The following EVA1C variants were observed in gnomAD, a reference collection of about 807,000 sequenced individuals.
EVA1C encodes the protein protein eva-1 homolog C.
EVA1C carries 25 observed loss-of-function variants against 45.4 expected under a neutral mutation model. The ratio of observed to expected loss-of-function variants is 0.55; its 90% CI spans 0.40 to 0.77. The LOEUF is 0.77. Among genes scored for constraint, EVA1C ranks in the 30% least tolerant of loss-of-function variants. EVA1C has a pLI of 0.00. For synonymous variants in EVA1C, 190 were observed against 221.2 expected (o/e 0.86, Z 1.25); for missense variants, 479 against 554.8 (o/e 0.86, Z 1.37).
intron 1 of EVA1C, among the ~76,000 whole-genome samples, chr21:32,436,239 T>C (rs796683818): frequency 5.5e-3 from 670 of 122,232 alleles, no homozygotes; most frequent in Middle Eastern, 0.023. Flanking sequence ...AATTTTTGTA[T>C]TTTTAATAGA....
chr21:32,477,910 C>T (rs1178704541), intron 4 of EVA1C, among the ~76,000 whole-genome samples: 64 of 81,766 alleles, frequency 7.8e-4, no homozygotes, highest in African/African-American at 3.0e-3. Context: ...CCCTCACCTC[C>T]GCCATACGCT....
chr21:32,413,897 T>C (rs906916922), intron 1 of EVA1C, among the ~76,000 whole-genome samples: 3 of 152,206 alleles, frequency 2.0e-5, no homozygotes, highest in African/African-American at 4.8e-5. Context: ...CTGAGCCCCA[T>C]ACTCCTCCTT....
rs2036480225 is a variant in EVA1C at position 32,474,279 on chromosome 21, T to C, written c.634+6431T>C. ...GCTTAAAGCCCTCCACTCTGCACAC[T>C]GTAATTGGAATACATCAGTCTTCAG... On this transcript the variant is annotated intron_variant, in intron 4 of 7. Transcript: ENST00000300255. This position sits in a 1 kb window ranked among gnomAD's most constrained non-coding sequence, Gnocchi z 4.4. Among the ~76,000 whole-genome samples, 1 of 152,214 alleles carries C rather than the reference T, an allele frequency of 6.6e-6. No individual in the cohort carries two copies. Among genetic ancestry groups the C allele is most frequent in the African/African-American group, 2.4e-5 (1 of 41,462 alleles).
chr21:32,507,457 C>T (rs961207126), intron 7 of EVA1C, among the ~76,000 whole-genome samples: 16 of 138,034 alleles, frequency 1.2e-4, no homozygotes, highest in Non-Finnish European at 1.6e-4. Context: ...TATGCGTGTG[C>T]GTGTGTGCAT....
chr21:32,449,216 C>T (rs567473634), intron 1 of EVA1C, among the ~76,000 whole-genome samples: 1 of 152,296 alleles, frequency 6.6e-6, no homozygotes, highest in African/African-American at 2.4e-5. Flanking sequence ...ATTGACAAAT[C>T]ACTATCACCC....
chr21:32,412,955 C>T lies in EVA1C; in HGVS notation c.102C>T (p.Leu34=), dbSNP rs754986837. Residue 34 remains leucine (L), a synonymous_variant, in exon 1 of 8, where the codon CTC becomes CTT. Transcript: ENST00000300255. ...AGCCGCCGGGGCAGCTCCTGCGCCTCTTCTACTGCACTGTCCTGGTCTGCT... is the reference window on the plus strand; with the variant it reads ...AGCCGCCGGGGCAGCTCCTGCGCCTTTTCTACTGCACTGTCCTGGTCTGCT... ...QVEPPGQLLR[L]FYCTVLVCSK... The T allele has an allele frequency of 1.1e-5, 17 of 1,561,038 alleles. No individual in the cohort carries two copies. Among genetic ancestry groups the T allele is most frequent in the Non-Finnish European group, 1.5e-5 (17 of 1,156,026 alleles).
At chr21:32,453,096 C>G in intron 1 of EVA1C, 1 of 493,254 alleles carries the variant, frequency 2.0e-6, no homozygotes, top group Non-Finnish European at 3.7e-6. Flanking sequence ...TCCCCTGCCC[C>G]CCTTCCATGT....
At chr21:32,507,833 G>A (rs1263329889) in intron 7 of EVA1C, among the ~76,000 whole-genome samples, 1 of 151,482 alleles carries the variant, frequency 6.6e-6, no homozygotes, top group African/African-American at 2.4e-5. Context: ...TGTTGCATGT[G>A]TGTGCATGTG....
At chr21:32,414,636 A>C (rs1440183587) in intron 1 of EVA1C, among the ~76,000 whole-genome samples, 1 of 152,228 alleles carries the variant, frequency 6.6e-6, no homozygotes, top group African/African-American at 2.4e-5. Flanking sequence ...TGTTACATAC[A>C]GTGGAGTTGA....
chr21:32,497,114 C>A, intron 5 of EVA1C: 1 of 840,806 alleles, frequency 1.2e-6, no homozygotes, highest in Non-Finnish European at 2.1e-6. Flanking sequence ...CATTAGAAAG[C>A]TGTTAGCTCC....
At chr21:32,485,968 G>A (rs1182692581) in intron 4 of EVA1C, among the ~76,000 whole-genome samples, 4 of 152,180 alleles carry the variant, frequency 2.6e-5, no homozygotes, top group African/African-American at 9.7e-5. Flanking sequence ...AGGGATCCAG[G>A]CCTCTTCCAC....
chr21:32,414,789 T>C (rs538215348), intron 1 of EVA1C, among the ~76,000 whole-genome samples: 3 of 152,258 alleles, frequency 2.0e-5, no homozygotes, highest in East Asian at 3.9e-4. Flanking sequence ...GGTGGTGATA[T>C]TGCCACCCAC....
chr21:32,476,665 T>A (rs1019130015), intron 4 of EVA1C, among the ~76,000 whole-genome samples: 2 of 151,546 alleles, frequency 1.3e-5, no homozygotes, highest in African/African-American at 4.9e-5. Context: ...TAATAATAAG[T>A]TCAAGAGGAA....
chr21:32,494,205 A>G (rs2037265227), intron 4 of EVA1C, among the ~76,000 whole-genome samples: 1 of 152,192 alleles, frequency 6.6e-6, no homozygotes, highest in East Asian at 1.9e-4. Flanking sequence ...AGGGCACCGA[A>G]AAACAAATCT....
intron 1 of EVA1C, among the ~76,000 whole-genome samples, chr21:32,445,399 C>A (rs1010206719): frequency 6.6e-6 from 1 of 152,110 alleles, no homozygotes; most frequent in African/African-American, 2.4e-5. Context: ...GATCTTGGGG[C>A]CTGCAAGGAA....
chr21:32,455,647 T>G (rs2035752366), intron 2 of EVA1C, among the ~76,000 whole-genome samples: 1 of 152,094 alleles, frequency 6.6e-6, no homozygotes, highest in Non-Finnish European at 1.5e-5. Flanking sequence ...AACATTTTTT[T>G]AAAGTGGCTA....
At chr21:32,506,320 T>C (rs1304761404) in intron 7 of EVA1C, among the ~76,000 whole-genome samples, 2 of 149,830 alleles carry the variant, frequency 1.3e-5, no homozygotes, top group Non-Finnish European at 3.0e-5. Context: ...TGACTGCTGA[T>C]ATGGGCTTAT....
chr21:32,432,282 G>A (rs56261602), intron 1 of EVA1C, among the ~76,000 whole-genome samples: 15,601 of 152,052 alleles, frequency 0.1, 926 homozygotes, highest in Middle Eastern at 0.22. Context: ...CAGGTTCATT[G>A]CTTTATATTG....
At chr21:32,416,577 C>T (rs2034057876) in intron 1 of EVA1C, among the ~76,000 whole-genome samples, 1 of 152,150 alleles carries the variant, frequency 6.6e-6, no homozygotes, top group Non-Finnish European at 1.5e-5. Flanking sequence ...GATCCACCCA[C>T]CTTGGCCTCC....
Sources: gnomAD v4.1 joint callset for allele counts (sites outside exome capture counted in the v4.1 genomes callset) on GRCh38, gnomAD v4.1.1 for gene constraint, Gnocchi (gnomAD v3.1) non-coding constraint, MANE v1.5 for transcripts, NCBI Gene and HGNC (gene_info 2026-07-23, HGNC 2026-07-21) for gene names.